Variants in SLC5A11 observed in about 807,000 individuals in gnomAD.
SLC5A11 encodes sodium/myo-inositol cotransporter 2.
Under a neutral mutation model 69.8 loss-of-function variants are expected in SLC5A11, and 48 were observed. The observed-to-expected ratio is 0.69, with a 90% CI of 0.55 to 0.87. The LOEUF (loss-of-function observed/expected upper bound fraction) is 0.87. SLC5A11 is among the 40% of genes least tolerant of loss of function. The probability of loss-of-function intolerance (pLI) is 0.00; values close to 1 mark genes in which losing one functional copy is unlikely to be tolerated. For missense variants in SLC5A11, 784 were observed against 866.1 expected (o/e 0.91, Z 1.19); for synonymous variants, 319 against 342.4 (o/e 0.93, Z 0.75).
intron 1 of SLC5A11, among the ~76,000 whole-genome samples, chr16:24,848,303 GA>G (rs1247311686): frequency 6.6e-6 from 1 of 152,170 alleles, no homozygotes; most frequent in African/African-American, 2.4e-5. Context: ...GCTTCCGTGT[GA>G]GGGGCGGATT....
intron 8 of SLC5A11, among the ~76,000 whole-genome samples, chr16:24,888,394 T>C (rs2048526012): frequency 2.0e-5 from 3 of 151,910 alleles, no homozygotes; most frequent in Admixed American, 2.0e-4. Context: ...AACATTTATA[T>C]TCATAAATAT....
chr16:24,901,264 T>C (rs1003836163), intron 10 of SLC5A11, among the ~76,000 whole-genome samples: 1 of 152,174 alleles, frequency 6.6e-6, no homozygotes, highest in Non-Finnish European at 1.5e-5. Context: ...AACAACCTTA[T>C]ATGGTAGGTA....
At chr16:24,877,099 C>T in intron 6 of SLC5A11, 159 bp from the exon 8 acceptor site, 5 of 1,488,342 alleles carry the variant, frequency 3.4e-6, no homozygotes, top group Non-Finnish European at 4.5e-6. Flanking sequence ...CTGAAGACCC[C>T]TGATCTGGGA....
intron 3 of SLC5A11, among the ~76,000 whole-genome samples, chr16:24,862,972 TA>T (rs2046682120): frequency 1.5e-5 from 2 of 135,220 alleles, no homozygotes; most frequent in Non-Finnish European, 3.0e-5. Flanking sequence ...TATTATATAA[TA>T]TATAATTATA....
rs1567684494 is a variant in SLC5A11, at chr16:24,901,927, A to ACACAC, written c.1006+3818_1006+3819insCACAC. Among the ~76,000 whole-genome samples, 159 of 126,914 alleles carry ACACAC rather than the reference A, an allele frequency of 1.3e-3. 1 individual carries two copies. The highest frequency in any genetic ancestry group is 4.8e-3 in the African/African-American group (150 of 31,096). 83.3% of individuals were successfully genotyped at this position (126,914 alleles called of 152,430 possible). A position where few individuals can be genotyped will look rare whatever the true frequency, so the allele number is the denominator to read the frequency against. On this transcript the variant is annotated intron_variant, in intron 10 of 15. Transcript: ENST00000347898. ...TGGCAAGATCCCATCTCTGGAAAAA[A>ACACAC]AAATACACACACACACACACACACA...
intron 15 of SLC5A11, 48 bp from the exon 17 acceptor site, chr16:24,911,280 G>A: frequency 1.3e-6 from 2 of 1,591,342 alleles, no homozygotes; most frequent in Non-Finnish European, 1.7e-6. Flanking sequence ...CACCTCTCTG[G>A]GAGATACAGA....
intron 1 of SLC5A11, among the ~76,000 whole-genome samples, chr16:24,853,455 C>T (rs1271321416): frequency 6.6e-6 from 1 of 152,146 alleles, no homozygotes; most frequent in Non-Finnish European, 1.5e-5. Flanking sequence ...TGGCGTGGAG[C>T]CTGGCACACA....
intron 3 of SLC5A11, among the ~76,000 whole-genome samples, chr16:24,863,257 G>A (rs1362096052): frequency 6.6e-6 from 1 of 151,832 alleles, no homozygotes; most frequent in East Asian, 1.9e-4. Flanking sequence ...GCATTTAGTT[G>A]GTGACTAGGC....
At chr16:24,877,192 G>A (rs2047729890) in intron 6 of SLC5A11, 66 bp from the exon 8 acceptor site, 1 of 1,593,052 alleles carries the variant, frequency 6.3e-7, no homozygotes, top group African/African-American at 1.3e-5. Context: ...GGGAACCTGT[G>A]CTGCAAATGT....
exon 6 of SLC5A11, chr16:24,875,634 C>T (rs1368327872): frequency 9.3e-6 from 15 of 1,613,354 alleles, no homozygotes; most frequent in South Asian, 1.1e-5. Context: ...CAGGTCACCA[C>T]GATGCCAGAA....
intron 8 of SLC5A11, 127 bp downstream of exon 9, chr16:24,884,258 C>T: frequency 1.2e-6 from 1 of 848,030 alleles, no homozygotes. Context: ...TTTTTTGTCA[C>T]AGGTGCTTTG....
In SLC5A11 at chr16:24,889,754, G is replaced by T. The variant is rs1304565881; in HGVS notation, c.665-1115G>T. Among the ~76,000 whole-genome samples the T allele has an allele frequency of 2.0e-5, 3 of 151,712 alleles. No homozygotes were observed. In the East Asian group the frequency reaches 5.8e-4, roughly 29 times the overall value. On this transcript the variant is annotated intron_variant, in intron 8 of 15. Coordinates refer to ENST00000347898, the Ensembl canonical transcript of SLC5A11. The stretch of plus-strand genomic sequence containing the variant: ...GTAGAGACAGGGTTTCACCATGTGG[G>T]CCAGGTTGGTCTCGAACTCCTGACC...
intron 9 of SLC5A11, among the ~76,000 whole-genome samples, chr16:24,896,887 T>C (rs2049204299): frequency 6.7e-6 from 1 of 149,450 alleles, no homozygotes; most frequent in Admixed American, 6.7e-5. Flanking sequence ...AGCTCTACAC[T>C]ACCTTCACAG....
chr16:24,903,024 G>A (rs1451446239), intron 10 of SLC5A11, among the ~76,000 whole-genome samples: 1 of 152,134 alleles, frequency 6.6e-6, no homozygotes, highest in Non-Finnish European at 1.5e-5. Flanking sequence ...AGAGTGAAGT[G>A]GGCATTGTGT....
At position 24,911,291 on chromosome 16, in the gene SLC5A11, C is replaced by A. The variant is rs756624781; in HGVS notation, c.1823-37C>A. On this transcript the variant is annotated intron_variant, in intron 15 of 15. Transcript: ENST00000347898. ...GTCTCACCTCTCTGGGAGATACAGA[C>A]CACCTCTACGGTCTTCCTTTGCTGG... 3.7e-6 allele frequency: 6 copies of A among 1,605,404 alleles called. No homozygotes were observed. The South Asian group carries it at 6.6e-5, about 18-fold the overall frequency.
Position 24,862,590 on chromosome 16 carries a change from T to C in SLC5A11, c.136-11T>C. The C allele has an allele frequency of 1.2e-6, 2 of 1,607,086 alleles. No homozygotes were observed. Among genetic ancestry groups the C allele is most frequent in the Admixed American group, 1.7e-5 (1 of 59,878 alleles). On this transcript the variant is annotated splice_polypyrimidine_tract_variant and intron_variant, in intron 2 of 15. Transcript: ENST00000347898. ...GTCTTCCCTCACCCACCTCTCTTCTTTTTTTTTCAGTCCACAGTGAAGACC... is the reference window on the plus strand; with the variant it reads ...GTCTTCCCTCACCCACCTCTCTTCTCTTTTTTTCAGTCCACAGTGAAGACC...
At chr16:24,858,634 G>C in exon 2 of SLC5A11, 2 of 1,606,364 alleles carry the variant, frequency 1.2e-6, no homozygotes, top group East Asian at 2.2e-5. Flanking sequence ...CAGAGGTCTC[G>C]TTCAGGACCA....
At position 24,908,239 on chromosome 16, in the gene SLC5A11, G is replaced by A. The variant is rs115237117; in HGVS notation, c.1434+108G>A. On this transcript the variant is annotated intron_variant, in intron 13 of 15. Transcript: ENST00000347898. Reference sequence around the variant, plus strand: ...AGGGAGACACAGGCTGGAATTGGGTGTTGAGAGGGAGGGTGAGTTCCATTG... The same window carrying A: ...AGGGAGACACAGGCTGGAATTGGGTATTGAGAGGGAGGGTGAGTTCCATTG... The A allele has an allele frequency of 1.1e-3, 1,487 of 1,295,094 alleles. 14 individuals are homozygous for A. The African/African-American group carries it at 0.016, about 14-fold the overall frequency. 80.2% of individuals were successfully genotyped at this position (1,295,094 alleles called of 1,614,324 possible).
chr16:24,880,052 G>A (rs994191052), intron 7 of SLC5A11, among the ~76,000 whole-genome samples: 1 of 152,072 alleles, frequency 6.6e-6, no homozygotes, highest in African/African-American at 2.4e-5. Flanking sequence ...TGGGATTGCT[G>A]GTCAAATGAT....
Sources: allele counts gnomAD v4.1 joint callset (sites outside exome capture counted in the v4.1 genomes callset), GRCh38; gene constraint gnomAD v4.1.1; transcripts MANE v1.5; gene names NCBI Gene and HGNC (gene_info 2026-07-23, HGNC 2026-07-21).